The following RBBP6 variants were observed in gnomAD, a reference collection of about 807,000 sequenced individuals.
RBBP6 encodes E3 ubiquitin-protein ligase RBBP6.
In RBBP6, 25 loss-of-function variants were observed where a neutral mutation model predicts 167.7. The observed-to-expected ratio is 0.15, with a 90% confidence interval of 0.11 to 0.21. The LOEUF (loss-of-function observed/expected upper bound fraction) is 0.21, where lower values mean the gene tolerates loss of function less well. Among genes scored for constraint, RBBP6 ranks in the 10% least tolerant of loss-of-function variants. RBBP6 has a pLI of 1.00. For missense variants in RBBP6, 1,868 were observed against 2,134.2 expected (o/e 0.88, Z 2.46); for synonymous variants, 789 against 735.8 (o/e 1.07, Z -1.17).
chr16:24,561,902 C>G lies in RBBP6; in HGVS notation c.1030C>G (p.Pro344Ala), dbSNP rs1899067781. 3 of 1,613,916 alleles carry G rather than the reference C, an allele frequency of 1.9e-6. No individual in the cohort carries two copies. Among genetic ancestry groups the G allele is most frequent in the African/African-American group, 1.3e-5 (1 of 74,912 alleles). ...GTTACCTCCTCCACCACCCCCAATA[C>G]CACCTCCGAGACCACTGATTCAGAG... The part of the protein sequence containing the change: ...KQLPPPPPPI[P>A]PPRPLIQRNL... The change falls in exon 10 of 18, where the codon CCA becomes GCA. Residue 344 changes from proline to alanine, a missense_variant. Pro to Ala is a conservative substitution (Grantham distance 27). This residue lies in a region of RBBP6 where 245 missense variants were observed against 240.1 expected (regional missense o/e 1.02). Transcript: ENST00000319715.
intron 1 of RBBP6, among the ~76,000 whole-genome samples, chr16:24,545,503 ATTTTC>A (rs1003713581): frequency 2.6e-5 from 4 of 151,966 alleles, no homozygotes; most frequent in African/African-American, 9.7e-5. Flanking sequence ...CTTTTCTTTT[ATTTTC>A]TTAGGCTCTT....
At chr16:24,562,243 G>C in intron 10 of RBBP6, 82 bp downstream of exon 10, 1 of 1,307,798 alleles carries the variant, frequency 7.6e-7, no homozygotes, top group Non-Finnish European at 1.1e-6. Context: ...ACTTTTAACA[G>C]CTTTCTTAGT....
Position 24,541,198 on chromosome 16 carries a change from AAAAAAC to A in RBBP6, c.166+407_166+412del, listed in dbSNP as rs1308536672. On this transcript the variant is annotated intron_variant, in intron 1 of 17. Coordinates refer to ENST00000319715, the MANE Select transcript of RBBP6 (RefSeq NM_006910.5). ...TCAATCAGCAAAAAAAAAAACAAAA[AAAAAAC>A]CAAAAAAACAATTTTCTAACCTAAC... 2.6e-4 allele frequency among the ~76,000 whole-genome samples: 35 copies of A among 133,348 alleles called. 3 individuals are homozygous for A. Among genetic ancestry groups the A allele is most frequent in the Middle Eastern group, 3.6e-3 (1 of 280 alleles). The allele number at this position is 133,348 out of a possible 152,430, so 87.5% of individuals were successfully genotyped here.
intron 7 of RBBP6, among the ~76,000 whole-genome samples, chr16:24,556,894 T>G (rs1049226613): frequency 1.3e-5 from 2 of 152,034 alleles, no homozygotes; most frequent in Admixed American, 1.3e-4. Context: ...GTAGCTTGAA[T>G]AAGTTTGGAT....
Position 24,567,878 on chromosome 16 carries a change from G to C in RBBP6, c.2039G>C (p.Arg680Thr). ...MEYKKIQKER[R>T]RSFSRSKSPY... ...TACAAAAAGATTCAAAAGGAGCGTA[G>C]GCGCTCATTTTCCAGGTTAGTGTTT... is the stretch of plus-strand genomic sequence containing the variant. The change falls in exon 16 of 18, where the codon AGG (arginine) becomes ACG (threonine). Residue 680 changes from arginine to threonine, a missense_variant. Physicochemically the swap from Arg to Thr is moderately conservative, Grantham distance 71 (BLOSUM62 -1). Coordinates refer to ENST00000319715, the MANE Select transcript of RBBP6 (RefSeq NM_006910.5). 1 of 1,611,150 alleles carries C rather than the reference G, an allele frequency of 6.2e-7. No individual in the cohort carries two copies. Among genetic ancestry groups the C allele is most frequent in the Non-Finnish European group, 8.5e-7 (1 of 1,178,348 alleles).
chr16:24,562,203 C>T (rs560781083), intron 10 of RBBP6, 42 bp downstream of exon 10: 6 of 1,505,662 alleles, frequency 4.0e-6, no homozygotes, highest in Non-Finnish European at 5.5e-6. Flanking sequence ...CAAATGAGGT[C>T]AATGATGTAG....
chr16:24,554,096 T>C (rs1898861758), intron 4 of RBBP6: 1 of 152,422 alleles, frequency 6.6e-6, no homozygotes, highest in Non-Finnish European at 1.5e-5. Flanking sequence ...ACATGAATTG[T>C]GTAAGTGTGT....
rs759303481 is a variant in RBBP6, at chr16:24,571,689, A to G, written c.4623A>G (p.Lys1541=). ...KSNSSPSRDR[K]PHDHKATYDT... ...ATTCTAGTCCCTCAAGAGACAGAAA[A>G]CCTCATGATCACAAAGCCACTTATG... Residue 1541 remains lysine, a synonymous_variant, in exon 18 of 18, where the codon AAA becomes AAG. Coordinates refer to ENST00000319715, the MANE Select transcript of RBBP6 (RefSeq NM_006910.5). 22 of 1,614,052 alleles carry G rather than the reference A, an allele frequency of 1.4e-5. No homozygotes were observed. Among genetic ancestry groups the G allele is most frequent in the South Asian group, 1.2e-4 (11 of 91,084 alleles).
In RBBP6 at chr16:24,548,991, A is replaced by C. The variant is rs1898732912; in HGVS notation, c.303+10A>C. The C allele has an allele frequency of 1.1e-5, 17 of 1,610,916 alleles. No homozygotes were observed. Among genetic ancestry groups the C allele is most frequent in the Non-Finnish European group, 1.4e-5 (16 of 1,178,114 alleles). On this transcript the variant is annotated intron_variant, in intron 3 of 17. Transcript: ENST00000319715. The stretch of plus-strand genomic sequence containing the variant: ...GGCAACTACAAAAGCAGTATGTAAA[A>C]ACACAATCTCACACTTTTTCTACAC...
chr16:24,571,121 T>G lies in RBBP6; in HGVS notation c.4055T>G (p.Val1352Gly). 6.2e-7 allele frequency: 1 copy of G among 1,613,114 alleles called. No individual in the cohort carries two copies. The highest frequency in any genetic ancestry group is 1.7e-5 in the Admixed American group (1 of 59,872). ...AAACCTGCTAGTGTTATAAAAAATG[T>G]TAGTACAAAGCCATCAAATATAGTC... ...VGKPASVIKN[V>G]STKPSNIVKY... Residue 1352 changes from valine (V) to glycine (G), a missense_variant, in exon 18 of 18, where the codon GTT becomes GGT. By Grantham distance (109) the Val-to-Gly change is moderately radical. Around this residue, in one of 7 missense-constraint regions of RBBP6, gnomAD observed 591 missense variants for 540.5 expected, o/e 1.09. Coordinates refer to ENST00000319715, the MANE Select transcript of RBBP6 (RefSeq NM_006910.5).
Position 24,540,774 on chromosome 16 carries a change from A to C in RBBP6, c.148A>C (p.Asn50His). 6.2e-7 allele frequency: 1 copy of C among 1,613,546 alleles called. No homozygotes were observed. The highest frequency in any genetic ancestry group is 8.5e-7 in the Non-Finnish European group (1 of 1,179,868). Residue 50 changes from asparagine (N) to histidine (H), a missense_variant, in exon 1 of 18, where the codon AAT (asparagine) becomes CAT (histidine). Asn to His is a moderately conservative substitution (Grantham distance 68). Around this residue, in one of 7 missense-constraint regions of RBBP6, gnomAD observed 184 missense variants for 327.7 expected, o/e 0.56. Coordinates refer to ENST00000319715, the MANE Select transcript of RBBP6 (RefSeq NM_006910.5). ...KAADCDLQIT[N>H]AQTKEEYTDD... is the part of the protein sequence containing the mutation. ...TGCCGACTGCGACCTGCAGATCACC[A>C]ATGCGCAGACGAAAGAAGGTAAGGG...
intron 1 of RBBP6, among the ~76,000 whole-genome samples, chr16:24,542,421 GT>G (rs945922272): frequency 1.3e-5 from 2 of 150,574 alleles, no homozygotes; most frequent in African/African-American, 4.9e-5. Flanking sequence ...AGGGCTAGGC[GT>G]TATCCATCTT....
intron 1 of RBBP6, 135 bp downstream of exon 1, chr16:24,540,927 T>G (rs1170798150): frequency 6.3e-6 from 7 of 1,104,792 alleles, no homozygotes; most frequent in Non-Finnish European, 7.4e-6. Context: ...CAACTTTCAT[T>G]GATAGCCAAG....
chr16:24,544,246 C>T (rs1039277573), intron 1 of RBBP6, among the ~76,000 whole-genome samples: 1 of 152,122 alleles, frequency 6.6e-6, no homozygotes, highest in South Asian at 2.1e-4. Flanking sequence ...TTAAAAAAAT[C>T]TAGTCACCCC....
chr16:24,572,052 T>C lies in RBBP6; in HGVS notation c.4986T>C (p.Ser1662=), dbSNP rs1231773342. 6.8e-6 allele frequency: 11 copies of C among 1,614,010 alleles called. No individual in the cohort carries two copies. The highest frequency in any genetic ancestry group is 9.3e-6 in the Non-Finnish European group (11 of 1,180,012). ...VKEEESSGNI[S]KDLKDKIVEK... ...AAGAGGAATCTTCAGGAAACATTTCTAAGGACCTGAAAGATAAAATAGTGG... is the reference window on the plus strand; with the variant it reads ...AAGAGGAATCTTCAGGAAACATTTCCAAGGACCTGAAAGATAAAATAGTGG... The change falls in exon 18 of 18, where the codon TCT becomes TCC. Residue 1662 remains serine, a synonymous_variant. Coordinates refer to ENST00000319715, the MANE Select transcript of RBBP6 (RefSeq NM_006910.5).
At chr16:24,565,775 CAA>C (rs1208063218) in intron 14 of RBBP6, among the ~76,000 whole-genome samples, 1 of 152,160 alleles carries the variant, frequency 6.6e-6, no homozygotes, top group Admixed American at 6.5e-5. Flanking sequence ...AACTTCATAA[CAA>C]GAGTTTTGGC....
intron 1 of RBBP6, among the ~76,000 whole-genome samples, chr16:24,544,415 A>G (rs534053398): frequency 5.9e-5 from 9 of 152,224 alleles, no homozygotes; most frequent in Non-Finnish European, 1.3e-4. Flanking sequence ...CTTGAAGTAT[A>G]TAGAAAATAA....
At chr16:24,555,964 G>A (rs1222586693) in intron 6 of RBBP6, 47 bp downstream of exon 6, 1 of 1,457,696 alleles carries the variant, frequency 6.9e-7, no homozygotes, top group Non-Finnish European at 9.6e-7. Flanking sequence ...TTTTTCCTTT[G>A]GAATTGTTCC....
intron 1 of RBBP6, among the ~76,000 whole-genome samples, chr16:24,541,507 A>G (rs1156941231): frequency 6.6e-6 from 1 of 152,212 alleles, no homozygotes; most frequent in Non-Finnish European, 1.5e-5. Flanking sequence ...GTGAAGATCA[A>G]AAGTACTGAT....
Sources: gnomAD v4.1 joint callset for allele counts (sites outside exome capture counted in the v4.1 genomes callset) on GRCh38, gnomAD v4.1.1 for gene constraint, gnomAD v4.1.1 regional missense constraint, MANE v1.5 for transcripts, NCBI Gene and HGNC (gene_info 2026-07-23, HGNC 2026-07-21) for gene names.